CFAP299: variants seen among roughly 807,000 people sequenced by gnomAD.
CFAP299 encodes cilia- and flagella-associated protein 299.
CFAP299 carries 21 observed loss-of-function variants against 27.0 expected under a neutral mutation model. The ratio of observed to expected loss-of-function variants is 0.78; its 90% CI spans 0.55 to 1.12. CFAP299 has a LOEUF of 1.12. Among genes scored for constraint, CFAP299 ranks in the 50% most tolerant of loss-of-function variants. CFAP299 has a pLI of 0.00. For missense variants in CFAP299, 310 were observed against 276.6 expected (o/e 1.12, Z -0.86); for synonymous variants, 104 against 98.1 (o/e 1.06, Z -0.36).
intron 3 of CFAP299, among the ~76,000 whole-genome samples, chr4:80,783,830 C>A (rs917687315): frequency 6.6e-6 from 1 of 152,036 alleles, no homozygotes; most frequent in African/African-American, 2.4e-5. Flanking sequence ...CCATTTTAAT[C>A]CTTTCATATT....
intron 2 of CFAP299, among the ~76,000 whole-genome samples, chr4:80,418,691 T>C (rs1445322265): frequency 6.6e-6 from 1 of 152,036 alleles, no homozygotes; most frequent in Non-Finnish European, 1.5e-5. Context: ...TTCTACTCTC[T>C]GCTACTTAGA....
intron 4 of CFAP299, among the ~76,000 whole-genome samples, chr4:80,930,902 C>T (rs763081854): frequency 6.6e-6 from 1 of 152,096 alleles, no homozygotes; most frequent in East Asian, 1.9e-4. Flanking sequence ...TTACTCCCTC[C>T]AGAAAGCTAT....
At chr4:80,454,404 T>C (rs1004224109) in intron 2 of CFAP299, among the ~76,000 whole-genome samples, 2 of 152,210 alleles carry the variant, frequency 1.3e-5, no homozygotes, top group African/African-American at 4.8e-5. Flanking sequence ...ATAAAGTGAC[T>C]GCCTGGATTG....
chr4:80,387,818 C>T (rs1184213147), intron 2 of CFAP299: 21 of 1,552,470 alleles, frequency 1.4e-5, no homozygotes, highest in Non-Finnish European at 1.9e-5. Context: ...TTTGGCTTCC[C>T]TGTAGCTTCC....
At chr4:80,494,149 A>G (rs894023722) in intron 2 of CFAP299, among the ~76,000 whole-genome samples, 4 of 151,814 alleles carry the variant, frequency 2.6e-5, no homozygotes, top group African/African-American at 9.7e-5. Context: ...CCATCTCAGC[A>G]TTTCTGAATC....
intron 2 of CFAP299, among the ~76,000 whole-genome samples, chr4:80,561,411 A>G (rs1735029373): frequency 6.6e-6 from 1 of 152,160 alleles, no homozygotes; most frequent in Admixed American, 6.5e-5. Context: ...CAGACACCAA[A>G]GAACATTTAT....
At chr4:80,590,293 G>C (rs933119231) in intron 3 of CFAP299, among the ~76,000 whole-genome samples, 2 of 152,112 alleles carry the variant, frequency 1.3e-5, no homozygotes, top group Non-Finnish European at 2.9e-5. Flanking sequence ...TTAATAGAAA[G>C]TGTGAGGATT....
At chr4:80,581,474 A>G (rs1368360169) in intron 2 of CFAP299, among the ~76,000 whole-genome samples, 1 of 138,400 alleles carries the variant, frequency 7.2e-6, no homozygotes, top group Non-Finnish European at 1.5e-5. Flanking sequence ...ATATATATAT[A>G]TATATATATA....
intron 3 of CFAP299, among the ~76,000 whole-genome samples, chr4:80,595,481 A>G (rs1737015211): frequency 6.6e-6 from 1 of 152,176 alleles, no homozygotes; most frequent in African/African-American, 2.4e-5. Flanking sequence ...CATGATGTTC[A>G]ACACTGGCTT....
chr4:80,772,179 T>G (rs1173595675), intron 3 of CFAP299, among the ~76,000 whole-genome samples: 1 of 152,190 alleles, frequency 6.6e-6, no homozygotes, highest in African/African-American at 2.4e-5. Context: ...ATCAGCCAAG[T>G]AAACAGATCG....
intron 3 of CFAP299, among the ~76,000 whole-genome samples, chr4:80,741,342 G>C (rs879735863): frequency 1.3e-5 from 2 of 152,072 alleles, no homozygotes; most frequent in Non-Finnish European, 2.9e-5. Context: ...TCCACCTCCT[G>C]GGTTCAAGCA....
At chr4:80,918,006 A>G (rs1735848335) in intron 4 of CFAP299, among the ~76,000 whole-genome samples, 1 of 152,180 alleles carries the variant, frequency 6.6e-6, no homozygotes, top group South Asian at 2.1e-4. Flanking sequence ...TATTTAGAAC[A>G]AAAATTAAAT....
chr4:80,846,467 A>G (rs535374341), intron 3 of CFAP299, among the ~76,000 whole-genome samples: 2 of 152,312 alleles, frequency 1.3e-5, no homozygotes, highest in African/African-American at 4.8e-5. Context: ...CCTCTAAGGC[A>G]TAGTATGATT....
intron 3 of CFAP299, among the ~76,000 whole-genome samples, chr4:80,666,325 T>C (rs1337201419): frequency 6.6e-6 from 1 of 152,128 alleles, no homozygotes; most frequent in Admixed American, 6.6e-5. Flanking sequence ...CTTCCTTTTT[T>C]CCATGTTTTC....
intron 2 of CFAP299, among the ~76,000 whole-genome samples, chr4:80,530,106 C>T (rs1180160890): frequency 3.3e-5 from 5 of 152,028 alleles, no homozygotes; most frequent in South Asian, 4.2e-4. Flanking sequence ...ACACATTCGT[C>T]GAAAATATTT....
rs79344070 is a variant in CFAP299 at position 80,425,281 on chromosome 4, A to G, written c.242+62397A>G. Among the ~76,000 whole-genome samples the G allele has an allele frequency of 6.4e-3, 968 of 152,228 alleles. 22 individuals carry two copies. The highest frequency in any genetic ancestry group is 0.022 in the African/African-American group (930 of 41,540). ...TCTTTCACATGGTATTTTTTTCTGCACTGTATATCCAGTCCGATGCCTTAC... is the reference window on the plus strand; with the variant it reads ...TCTTTCACATGGTATTTTTTTCTGCGCTGTATATCCAGTCCGATGCCTTAC... On this transcript the variant is annotated intron_variant, in intron 2 of 5. Coordinates refer to ENST00000358105, the MANE Select transcript of CFAP299 (RefSeq NM_152770.3).
chr4:80,491,620 AT>A (rs575216669), intron 2 of CFAP299, among the ~76,000 whole-genome samples: 1 of 149,882 alleles, frequency 6.7e-6, no homozygotes, highest in Non-Finnish European at 1.5e-5. Flanking sequence ...CTAAACTCTG[AT>A]TTTTTTTTTC....
At chr4:80,952,863 G>A (rs576144099) in intron 5 of CFAP299, among the ~76,000 whole-genome samples, 1 of 152,164 alleles carries the variant, frequency 6.6e-6, no homozygotes, top group South Asian at 2.1e-4. Flanking sequence ...TTCTGAGGTC[G>A]TTGGCTTCTC....
chr4:80,362,519 T>TC (rs1723600783), intron 1 of CFAP299, among the ~76,000 whole-genome samples: 1 of 151,630 alleles, frequency 6.6e-6, no homozygotes, highest in Admixed American at 6.6e-5. Context: ...AATTGACATT[T>TC]TTTTTTCATC....
Sources: allele counts gnomAD v4.1 joint callset (sites outside exome capture counted in the v4.1 genomes callset), GRCh38; gene constraint gnomAD v4.1.1; transcripts MANE v1.5; gene names NCBI Gene and HGNC (gene_info 2026-07-23, HGNC 2026-07-21).